Variants in PSD3 observed in about 807,000 individuals in gnomAD.
PSD3 encodes the protein PH and SEC7 domain-containing protein 3.
PSD3 carries 49 observed loss-of-function variants against 105.5 expected under a neutral mutation model. The observed-to-expected ratio is 0.46, with a 90% confidence interval of 0.37 to 0.59. The LOEUF (loss-of-function observed/expected upper bound fraction) is 0.59. Ranked by LOEUF, PSD3 falls within the 20% of genes least tolerant of loss-of-function variation. The pLI is 0.00. For synonymous variants in PSD3, 557 were observed against 457.8 expected, an observed-to-expected ratio of 1.22 and a Z score of -2.77; for missense variants, 1,561 against 1,263.8, an observed-to-expected ratio of 1.24 and a Z score of -3.57.
chr8:18,862,851 G>A (rs1816548899), intron 4 of PSD3, among the ~76,000 whole-genome samples: 1 of 148,530 alleles, frequency 6.7e-6, no homozygotes, highest in African/African-American at 2.5e-5. Context: ...TCCAAACACT[G>A]CATTCCATTT....
At chr8:18,616,140 C>T (rs961806801) in intron 11 of PSD3, among the ~76,000 whole-genome samples, 2 of 152,232 alleles carry the variant, frequency 1.3e-5, no homozygotes, top group African/African-American at 4.8e-5. Context: ...ACCACTCACG[C>T]GCAGGAGCCA....
At chr8:18,929,105 A>C (rs1482960086) in intron 2 of PSD3, among the ~76,000 whole-genome samples, 5 of 152,236 alleles carry the variant, frequency 3.3e-5, no homozygotes, top group Non-Finnish European at 7.3e-5. Flanking sequence ...TATGGTTTAC[A>C]AATTGTATCT....
At chr8:18,548,615 C>T (rs971895591) in intron 15 of PSD3, among the ~76,000 whole-genome samples, 10 of 152,208 alleles carry the variant, frequency 6.6e-5, no homozygotes, top group Admixed American at 2.0e-4. Flanking sequence ...GAGAGCCTCC[C>T]ATTTGCGTGC....
chr8:18,886,735 G>A (rs564084065), intron 2 of PSD3, among the ~76,000 whole-genome samples: 81 of 152,122 alleles, frequency 5.3e-4, no homozygotes, highest in Non-Finnish European at 1.0e-3. Flanking sequence ...CTAGTCAACT[G>A]GAAGCAAATT....
chr8:18,740,957 G>A (rs1172869202), intron 9 of PSD3, among the ~76,000 whole-genome samples: 1 of 152,098 alleles, frequency 6.6e-6, no homozygotes, highest in Non-Finnish European at 1.5e-5. Context: ...TGAGGTCAGA[G>A]GGCTTATCTG....
rs556491150 is a variant in PSD3, at chr8:18,675,299, G to A, written c.2173-19614C>T. ...CCTGTAAACACCTTGGCCTGCCCCA[G>A]TGGATTTCTGAGTAGTAGAGCTGAC... On this transcript the variant is annotated intron_variant, in intron 9 of 15. Transcript: ENST00000327040. Among the ~76,000 whole-genome samples, 9 of 152,314 alleles carry A rather than the reference G, an allele frequency of 5.9e-5. No homozygotes were observed. In the South Asian group the frequency reaches 1.9e-3, roughly 32 times the overall value.
chr8:18,938,574 G>A (rs1244584915), intron 1 of PSD3, among the ~76,000 whole-genome samples: 2 of 146,920 alleles, frequency 1.4e-5, no homozygotes, highest in Non-Finnish European at 3.0e-5. Context: ...AGTGAACCGC[G>A]ATGGCGCTAT....
chr8:19,031,785 C>T (rs992178375), intron 1 of PSD3, among the ~76,000 whole-genome samples: 5 of 152,076 alleles, frequency 3.3e-5, no homozygotes, highest in Admixed American at 6.6e-5. Context: ...AATAAACCCA[C>T]GAGCAAAACA....
At chr8:19,072,931 C>G (rs896927616) in intron 1 of PSD3, among the ~76,000 whole-genome samples, 10 of 152,166 alleles carry the variant, frequency 6.6e-5, no homozygotes, top group Non-Finnish European at 1.5e-4. Context: ...AATTTCCTGA[C>G]CCTTGGCCCA....
At chr8:19,069,146 G>A (rs912048301) in intron 1 of PSD3, among the ~76,000 whole-genome samples, 32 of 152,180 alleles carry the variant, frequency 2.1e-4, no homozygotes, top group African/African-American at 6.8e-4. Context: ...TTTCAGCAGC[G>A]TGAATGCAAA....
chr8:18,685,106 C>T (rs919251915), intron 9 of PSD3, among the ~76,000 whole-genome samples: 1 of 152,152 alleles, frequency 6.6e-6, no homozygotes, highest in Admixed American at 6.5e-5. Context: ...CTGGGAAAAA[C>T]GTCAGCCTCA....
At chr8:18,996,985 T>G (rs2129473962) in intron 1 of PSD3, among the ~76,000 whole-genome samples, 1 of 152,028 alleles carries the variant, frequency 6.6e-6, no homozygotes, top group Admixed American at 6.5e-5. Context: ...TGGCAAGACC[T>G]CGCACTCTCG....
chr8:18,653,174 T>C (rs944120000), intron 10 of PSD3, among the ~76,000 whole-genome samples: 3 of 152,164 alleles, frequency 2.0e-5, no homozygotes, highest in South Asian at 4.1e-4. Context: ...CACTGAAATA[T>C]GGCAAAACTC....
At chr8:18,896,905 G>C (rs1255320367) in intron 2 of PSD3, among the ~76,000 whole-genome samples, 2 of 151,794 alleles carry the variant, frequency 1.3e-5, no homozygotes, top group Non-Finnish European at 2.9e-5. Context: ...CCGCCTCCCA[G>C]GTTCAAGCAA....
chr8:19,027,002 T>C (rs1223573831), intron 1 of PSD3, among the ~76,000 whole-genome samples: 1 of 152,204 alleles, frequency 6.6e-6, no homozygotes, highest in Non-Finnish European at 1.5e-5. Flanking sequence ...TTCTTTGATT[T>C]CAGTGGCTCT....
At chr8:18,615,534 A>G (rs1048571346) in intron 11 of PSD3, among the ~76,000 whole-genome samples, 2 of 152,124 alleles carry the variant, frequency 1.3e-5, no homozygotes, top group African/African-American at 4.8e-5. Context: ...TTTGAGTGAT[A>G]TTTTCTTTTG....
In PSD3 at chr8:18,716,212, C is replaced by G. The variant is rs545386446; in HGVS notation, c.2172+49237G>C. On this transcript the variant is annotated intron_variant, in intron 9 of 15. Coordinates refer to ENST00000327040, the MANE Select transcript of PSD3 (RefSeq NM_015310.4). ...AAAGAAAAACTTCAAGGCTGAATGT[C>G]TACGAAACACGCCCACATCCATACT... is the stretch of plus-strand genomic sequence containing the variant. 1.3e-4 allele frequency among the ~76,000 whole-genome samples: 20 copies of G among 152,316 alleles called. No individual in the cohort carries two copies. In the South Asian group the frequency reaches 4.1e-3, roughly 32 times the overall value.
chr8:18,794,761 AG>A (rs1259193758), intron 8 of PSD3, among the ~76,000 whole-genome samples: 1 of 21,750 alleles, frequency 4.6e-5, no homozygotes, highest in East Asian at 5.0e-4. Flanking sequence ...AAGGGAACTC[AG>A]AGGCTGGCGG....
At chr8:18,905,095 A>G (rs1288991103) in intron 2 of PSD3, among the ~76,000 whole-genome samples, 1 of 152,240 alleles carries the variant, frequency 6.6e-6, no homozygotes, top group Admixed American at 6.5e-5. Flanking sequence ...TGTTTTAAGT[A>G]GCTTATAGCC....
Sources: gnomAD v4.1 joint callset for allele counts (sites outside exome capture counted in the v4.1 genomes callset) on GRCh38, gnomAD v4.1.1 for gene constraint, MANE v1.5 for transcripts, NCBI Gene and HGNC (gene_info 2026-07-23, HGNC 2026-07-21) for gene names.